The following PTGER3 variants were observed in gnomAD, a reference collection of about 807,000 sequenced individuals.
PTGER3 encodes prostaglandin E2 receptor EP3 subtype.
PTGER3 carries 22 observed loss-of-function variants against 34.7 expected under a neutral mutation model. The observed-to-expected ratio is 0.63, with a 90% CI of 0.45 to 0.91. The LOEUF is 0.91. PTGER3 is among the 40% of genes least tolerant of loss of function. The probability of loss-of-function intolerance (pLI) is 0.00; values close to 1 mark genes in which losing one functional copy is unlikely to be tolerated. For missense variants in PTGER3, 468 were observed against 519.4 expected, an observed-to-expected ratio of 0.90 and a Z score of 0.96; for synonymous variants, 241 against 230.1, an observed-to-expected ratio of 1.05 and a Z score of -0.43.
chr1:70,971,759 C>A, intron 3 of PTGER3, 26 bp from the exon 4 acceptor site: 1 of 1,456,502 alleles, frequency 6.9e-7, no homozygotes, highest in Non-Finnish European at 9.4e-7. Flanking sequence ...GAGAAAGATG[C>A]AATAAGCATG....
intron 2 of PTGER3, among the ~76,000 whole-genome samples, chr1:70,999,783 C>A (rs1267773260): frequency 6.6e-6 from 1 of 152,102 alleles, no homozygotes; most frequent in Non-Finnish European, 1.5e-5. Flanking sequence ...TCTTAGTAAC[C>A]CAAATTGTGA....
Position 70,963,419 on chromosome 1 carries a change from C to T in PTGER3, c.1078-9630G>A, listed in dbSNP as rs1029879047. On this transcript the variant is annotated intron_variant, in intron 2 of 3. Coordinates refer to the PTGER3 transcript ENST00000356595. ...CCGTACTGCCCTAGCAGAGGCTCTCCATGAGGGCCCTGACCCTGTAGCCAA... is the reference window on the plus strand; with the variant it reads ...CCGTACTGCCCTAGCAGAGGCTCTCTATGAGGGCCCTGACCCTGTAGCCAA... Among the ~76,000 whole-genome samples the T allele has an allele frequency of 3.3e-5, 5 of 152,198 alleles. 1 individual carries two copies. Among genetic ancestry groups the T allele is most frequent in the African/African-American group, 1.2e-4 (5 of 41,444 alleles).
intron 4 of PTGER3, among the ~76,000 whole-genome samples, chr1:70,912,439 G>A (rs1647080283): frequency 6.6e-6 from 1 of 151,998 alleles, no homozygotes; most frequent in Admixed American, 6.6e-5. Flanking sequence ...GAAGTGATGT[G>A]TTCAATGTCC....
chr1:71,025,083 A>C, intron 1 of PTGER3, among the ~76,000 whole-genome samples: 1 of 104,960 alleles, frequency 9.5e-6, no homozygotes, highest in Admixed American at 1.3e-4. Context: ...ATGAGAACAC[A>C]TGGCCACAGG....
At chr1:70,963,851 TTCTTTTCTA>T (rs1390083405) in intron 2 of PTGER3, among the ~76,000 whole-genome samples, 8 of 152,220 alleles carry the variant, frequency 5.3e-5, no homozygotes, top group Admixed American at 5.2e-4. Context: ...AAATGGGTTT[TTCTTTTCTA>T]TTGCATGGTC....
chr1:70,938,565 C>T (rs1173313481), intron 4 of PTGER3, among the ~76,000 whole-genome samples: 1 of 152,046 alleles, frequency 6.6e-6, no homozygotes, highest in Non-Finnish European at 1.5e-5. Flanking sequence ...AAAGACATAC[C>T]TGAGACTGGG....
At chr1:71,032,905 G>T (rs1442445311) in intron 1 of PTGER3, among the ~76,000 whole-genome samples, 4 of 152,102 alleles carry the variant, frequency 2.6e-5, no homozygotes, top group Non-Finnish European at 5.9e-5. Flanking sequence ...ACAACAAAAA[G>T]TTTCTTCTGA....
intron 4 of PTGER3, among the ~76,000 whole-genome samples, chr1:70,901,898 C>A (rs1278638236): frequency 5.3e-5 from 8 of 152,102 alleles, no homozygotes; most frequent in Admixed American, 3.3e-4. Context: ...GTTTATTAAA[C>A]TTCAAAAATA....
intron 1 of PTGER3, among the ~76,000 whole-genome samples, chr1:71,022,392 C>T (rs537213150): frequency 3.3e-5 from 5 of 151,904 alleles, no homozygotes; most frequent in South Asian, 2.1e-4. Context: ...AATTAAGTGG[C>T]CTCAGTGATG....
chr1:71,006,185 A>C, intron 2 of PTGER3: 1 of 985,238 alleles, frequency 1.0e-6, no homozygotes, highest in Non-Finnish European at 1.2e-6. Context: ...CTAAAGAATC[A>C]AGATTGTAGA....
At chr1:70,917,679 G>A (rs1193836233) in intron 4 of PTGER3, among the ~76,000 whole-genome samples, 6 of 151,716 alleles carry the variant, frequency 4.0e-5, no homozygotes, top group Non-Finnish European at 7.4e-5. Flanking sequence ...CACCAACCAC[G>A]TATAAGAGTT....
Position 71,046,796 on chromosome 1 carries a change from C to T in PTGER3, c.782G>A (p.Arg261Gln), listed in dbSNP as rs1274753775. The change falls in exon 1 of 4, where the codon CGG becomes CAG. Residue 261 changes from arginine (R) to glutamine (Q), a missense_variant. Physicochemically the swap from Arg to Gln is conservative, Grantham distance 43. Coordinates refer to ENST00000306666, the MANE Select transcript of PTGER3 (RefSeq NM_198719.2). ...GGACTGAGATGCCGTGGCCTTGGCCCGGCAGCGGGACACCAGGGCCTTAAT... is the reference window on the plus strand; with the variant it reads ...GGACTGAGATGCCGTGGCCTTGGCCTGGCAGCGGGACACCAGGGCCTTAAT... ...ATIKALVSRC[R>Q]AKATASQSSA... The T allele has an allele frequency of 1.2e-6, 2 of 1,614,070 alleles. No homozygotes were observed. Among genetic ancestry groups the T allele is most frequent in the Non-Finnish European group, 8.5e-7 (1 of 1,180,038 alleles).
At chr1:70,960,877 C>T (rs1651862212) in intron 2 of PTGER3, among the ~76,000 whole-genome samples, 1 of 152,174 alleles carries the variant, frequency 6.6e-6, no homozygotes, top group Non-Finnish European at 1.5e-5. Flanking sequence ...CTGCACTCCC[C>T]ACTTCTAGTT....
At chr1:70,949,313 CA>C (rs1249235111), downstream of PTGER3, among the ~76,000 whole-genome samples, 9 of 152,142 alleles carry the variant, frequency 5.9e-5, no homozygotes, top group African/African-American at 1.9e-4. Context: ...TAGAAATCAT[CA>C]AGCGACATTA....
chr1:70,870,652 G>A (rs1646143130), intron 4 of PTGER3, among the ~76,000 whole-genome samples: 1 of 152,192 alleles, frequency 6.6e-6, no homozygotes, highest in African/African-American at 2.4e-5. Flanking sequence ...TGAACAATTT[G>A]CTGCTTAGAA....
intron 4 of PTGER3, among the ~76,000 whole-genome samples, chr1:70,894,588 A>G (rs1445398420): frequency 6.6e-6 from 1 of 152,162 alleles, no homozygotes; most frequent in East Asian, 1.9e-4. Flanking sequence ...ATAATTATTG[A>G]ACTCCTGGAA....
intron 1 of PTGER3, among the ~76,000 whole-genome samples, chr1:71,020,333 A>C (rs1182184840): frequency 1.3e-5 from 2 of 152,214 alleles, no homozygotes; most frequent in African/African-American, 4.8e-5. Context: ...TTTTTAAAAC[A>C]ACAATGGATT....
At chr1:71,013,398 C>G (rs1189311603) in intron 1 of PTGER3, among the ~76,000 whole-genome samples, 1 of 152,022 alleles carries the variant, frequency 6.6e-6, no homozygotes, top group African/African-American at 2.4e-5. Flanking sequence ...AAAAGATGTT[C>G]TTATGCATAT....
intron 4 of PTGER3, among the ~76,000 whole-genome samples, chr1:70,906,277 G>C (rs1192078781): frequency 6.6e-6 from 1 of 152,160 alleles, no homozygotes; most frequent in East Asian, 1.9e-4. Context: ...TTTGAAAACT[G>C]TAAGGACAAT....
Sources: allele counts gnomAD v4.1 joint callset (sites outside exome capture counted in the v4.1 genomes callset), GRCh38; gene constraint gnomAD v4.1.1; transcripts MANE v1.5; gene names NCBI Gene and HGNC (gene_info 2026-07-23, HGNC 2026-07-21).